Variants in ADGRL3 observed in about 807,000 individuals in gnomAD.
ADGRL3 encodes the protein adhesion G protein-coupled receptor L3.
In ADGRL3, 62 loss-of-function variants were observed where a neutral mutation model predicts 153.5. The observed-to-expected ratio is 0.40, with a 90% CI of 0.33 to 0.50. The LOEUF (loss-of-function observed/expected upper bound fraction) is 0.50. Among genes scored for constraint, ADGRL3 ranks in the 20% least tolerant of loss-of-function variants. The probability of loss-of-function intolerance (pLI) is 0.47; values close to 1 mark genes in which losing one functional copy is unlikely to be tolerated. For synonymous variants in ADGRL3, 710 were observed against 672.5 expected (o/e 1.06, Z -0.86); for missense variants, 1,641 against 1,859.4 (o/e 0.88, Z 2.16).
chr4:62,025,355 T>C (rs1291375768), intron 21 of ADGRL3, among the ~76,000 whole-genome samples: 1 of 152,160 alleles, frequency 6.6e-6, no homozygotes, highest in East Asian at 1.9e-4. Flanking sequence ...GACTAGGGGA[T>C]TAGTATAAGA....
intron 5 of ADGRL3, among the ~76,000 whole-genome samples, chr4:61,657,092 C>A (rs2094461352): frequency 6.6e-6 from 1 of 152,070 alleles, no homozygotes; most frequent in Non-Finnish European, 1.5e-5. Context: ...ATACAGTAGC[C>A]AATAAAAAAC....
At chr4:61,963,712 A>G (rs867843115) in intron 17 of ADGRL3, among the ~76,000 whole-genome samples, 1 of 152,282 alleles carries the variant, frequency 6.6e-6, no homozygotes, top group Middle Eastern at 3.4e-3. Context: ...TGAATAGTGG[A>G]CAATAGAACT....
In ADGRL3 at chr4:62,071,196, G is replaced by A. The variant is rs987300446; in HGVS notation, c.*288G>A. The A allele has an allele frequency of 1.0e-5, 3 of 294,484 alleles. No homozygotes were observed. The highest frequency in any genetic ancestry group is 6.4e-5 in the African/African-American group (3 of 46,530). 18.2% of individuals were successfully genotyped at this position (294,484 alleles called of 1,614,324 possible). A position where few individuals can be genotyped will look rare whatever the true frequency, so the allele number is the denominator to read the frequency against. ...AGATATGAAGAAAATGGCACTCATTGTGGCCTTGTTGAATTATGTTGTGTA... is the reference window on the plus strand; with the variant it reads ...AGATATGAAGAAAATGGCACTCATTATGGCCTTGTTGAATTATGTTGTGTA... On this transcript the variant is annotated 3_prime_UTR_variant, in exon 27 of 27. Coordinates refer to ENST00000683033, the MANE Select transcript of ADGRL3 (RefSeq NM_001387552.1).
intron 8 of ADGRL3, among the ~76,000 whole-genome samples, chr4:61,766,744 G>T (rs1281332950): frequency 6.6e-6 from 1 of 151,614 alleles, no homozygotes; most frequent in Admixed American, 6.6e-5. Flanking sequence ...AGAGAGGCTG[G>T]GATTAAGGGT....
At chr4:61,441,159 C>A (rs2152467951) in intron 2 of ADGRL3, among the ~76,000 whole-genome samples, 1 of 152,222 alleles carries the variant, frequency 6.6e-6, no homozygotes, top group Non-Finnish European at 1.5e-5. Context: ...TTCTTCTGAT[C>A]TCTGATCTGT....
chr4:61,231,234 G>A (rs1386083357), intron 1 of ADGRL3, among the ~76,000 whole-genome samples: 5 of 152,154 alleles, frequency 3.3e-5, no homozygotes, highest in Non-Finnish European at 5.9e-5. Flanking sequence ...TATCTCATAC[G>A]AATTTTTATT....
At chr4:61,769,920 G>T (rs934026732) in intron 8 of ADGRL3, among the ~76,000 whole-genome samples, 3 of 152,086 alleles carry the variant, frequency 2.0e-5, no homozygotes, top group East Asian at 1.9e-4. Context: ...GTGGGGCAGG[G>T]CATATTCACT....
At chr4:61,708,691 A>G (rs925840421) in intron 6 of ADGRL3, among the ~76,000 whole-genome samples, 4 of 152,164 alleles carry the variant, frequency 2.6e-5, no homozygotes, top group Admixed American at 2.0e-4. Flanking sequence ...AAAAAATTCA[A>G]AGAAGAACAT....
At chr4:61,375,827 A>G (rs2096596341) in intron 1 of ADGRL3, among the ~76,000 whole-genome samples, 1 of 152,272 alleles carries the variant, frequency 6.6e-6, no homozygotes, top group East Asian at 1.9e-4. Context: ...TGTAGAAGCA[A>G]TAGCAATCAG....
At chr4:61,632,348 C>T (rs1019794730) in intron 5 of ADGRL3, among the ~76,000 whole-genome samples, 1 of 152,148 alleles carries the variant, frequency 6.6e-6, no homozygotes, top group African/African-American at 2.4e-5. Context: ...GTCTTTAAAT[C>T]TCTGTGAGTA....
intron 5 of ADGRL3, among the ~76,000 whole-genome samples, chr4:61,650,759 C>G (rs1284198643): frequency 6.6e-6 from 1 of 151,884 alleles, no homozygotes; most frequent in Non-Finnish European, 1.5e-5. Flanking sequence ...TTTCCAACTG[C>G]AAGGTTGTGA....
chr4:61,824,751 A>T (rs928452972), intron 9 of ADGRL3, among the ~76,000 whole-genome samples: 1 of 152,198 alleles, frequency 6.6e-6, no homozygotes, highest in Non-Finnish European at 1.5e-5. Flanking sequence ...GCACACACAC[A>T]CATGCCACTC....
At chr4:61,632,268 C>A (rs2093211204) in intron 5 of ADGRL3, among the ~76,000 whole-genome samples, 1 of 152,112 alleles carries the variant, frequency 6.6e-6, no homozygotes, top group African/African-American at 2.4e-5. Flanking sequence ...TTGCAATAAT[C>A]TTTTCATGTT....
rs533898076 is a variant in ADGRL3 at position 62,018,736 on chromosome 4, C to T, written c.3396-10119C>T. On this transcript the variant is annotated intron_variant, in intron 21 of 26. Coordinates refer to ENST00000683033, the MANE Select transcript of ADGRL3 (RefSeq NM_001387552.1). Reference sequence around the variant, plus strand: ...CCCAGCTTTCCTTTCAGAGGAAGGCCTGTCCTGCTGGAACTGGGGCTGAGG... The same window carrying T: ...CCCAGCTTTCCTTTCAGAGGAAGGCTTGTCCTGCTGGAACTGGGGCTGAGG... 2.2e-3 allele frequency among the ~76,000 whole-genome samples: 341 copies of T among 152,258 alleles called. 4 individuals carry two copies. In the South Asian group the frequency reaches 0.031, roughly 14 times the overall value.
intron 11 of ADGRL3, among the ~76,000 whole-genome samples, chr4:61,898,095 CCTGT>C (rs779016045): frequency 1.3e-5 from 2 of 152,054 alleles, no homozygotes; most frequent in Admixed American, 6.6e-5. Context: ...CCTCCATTTA[CCTGT>C]CAAGCGACCC....
chr4:61,502,907 C>T (rs549451254), intron 3 of ADGRL3, among the ~76,000 whole-genome samples: 7 of 152,192 alleles, frequency 4.6e-5, no homozygotes, highest in East Asian at 1.9e-4. Flanking sequence ...ATGTTTATAA[C>T]GCTTGCCAAC....
intron 24 of ADGRL3, among the ~76,000 whole-genome samples, chr4:62,044,251 A>G (rs759816932): frequency 6.6e-6 from 1 of 152,038 alleles, no homozygotes; most frequent in Non-Finnish European, 1.5e-5. Flanking sequence ...GCATTTAGGA[A>G]TACAGTTAAT....
intron 5 of ADGRL3, among the ~76,000 whole-genome samples, chr4:61,642,524 G>A (rs975929487): frequency 2.0e-4 from 30 of 152,166 alleles, no homozygotes; most frequent in South Asian, 4.2e-4. Context: ...AGTTTTCCCA[G>A]CACCATTTAT....
At chr4:61,492,746 G>T (rs335297) in intron 2 of ADGRL3, among the ~76,000 whole-genome samples, 143,448 of 152,078 alleles carry the variant, frequency 0.94, 68,222 homozygotes, top group East Asian at 1. Flanking sequence ...ATTAGCATAG[G>T]TAATAAGTAA....
Sources: gnomAD v4.1 joint callset for allele counts (sites outside exome capture counted in the v4.1 genomes callset) on GRCh38, gnomAD v4.1.1 for gene constraint, MANE v1.5 for transcripts, NCBI Gene and HGNC (gene_info 2026-07-23, HGNC 2026-07-21) for gene names.